The following ZFYVE26 variants were observed in gnomAD, a reference collection of about 807,000 sequenced individuals.
ZFYVE26 encodes the protein zinc finger FYVE domain-containing protein 26.
In ZFYVE26, 181 loss-of-function variants were observed where a neutral mutation model predicts 276.5. That is an observed-to-expected ratio of 0.65 (90% CI 0.58 to 0.74). The LOEUF (loss-of-function observed/expected upper bound fraction) is 0.74. ZFYVE26 is among the 30% of genes least tolerant of loss of function. ZFYVE26 has a pLI of 0.00. For missense variants in ZFYVE26, 2,821 were observed against 3,097.9 expected (o/e 0.91, Z 2.12); for synonymous variants, 1,129 against 1,203.1 (o/e 0.94, Z 1.27).
At chr14:67,781,561 A>G in intron 21 of ZFYVE26, 32 bp from the exon 22 acceptor site, 1 of 1,608,382 alleles carries the variant, frequency 6.2e-7, no homozygotes, top group Non-Finnish European at 8.5e-7. Context: ...CAGAGGCAGC[A>G]AGCGTGGGAC....
chr14:67,815,706 G>T, intron 2 of ZFYVE26, 64 bp downstream of exon 2: 1 of 1,534,232 alleles, frequency 6.5e-7, no homozygotes, highest in Non-Finnish European at 9.0e-7. Context: ...ATTGACCAAT[G>T]CCCAAATATT....
intron 41 of ZFYVE26, chr14:67,750,681 G>A (rs929856399): frequency 3.0e-6 from 1 of 333,534 alleles, no homozygotes; most frequent in East Asian, 7.0e-5. Flanking sequence ...CTAGGATAAA[G>A]AGATACCTGC....
At chr14:67,734,133 G>C (rs991330433) in intron 13 of ZFYVE26, 7 of 339,342 alleles carry the variant, frequency 2.1e-5, no homozygotes, top group African/African-American at 1.3e-4. Context: ...GCTGGGCATG[G>C]GGGTGGCAGA....
At position 67,752,521 on chromosome 14, in the gene ZFYVE26, G is replaced by C. The variant is rs1267754295; in HGVS notation, c.7194C>G (p.Phe2398Leu). 6 of 1,614,010 alleles carry C rather than the reference G, an allele frequency of 3.7e-6. No homozygotes were observed. The Admixed American group carries it at 1.0e-4, about 27-fold the overall frequency. Reference sequence around the variant, plus strand: ...AGTAGGTCATGGCAGCATCCAGCTGGAAGTCCTAGAACAGAACACAACATG... The same window carrying C: ...AGTAGGTCATGGCAGCATCCAGCTGCAAGTCCTAGAACAGAACACAACATG... ...FGIAFRVLQDFQLDAAMTYCR... is the reference protein window; with the variant it reads ...FGIAFRVLQDLQLDAAMTYCR... The change falls in exon 40 of 42, where the codon TTC becomes TTG. Residue 2398 changes from phenylalanine to leucine, a missense_variant. Phe to Leu is a conservative substitution (Grantham distance 22). Coordinates refer to ENST00000347230, the MANE Select transcript of ZFYVE26 (RefSeq NM_015346.4).
intron 22 of ZFYVE26, 79 bp downstream of exon 22, chr14:67,781,254 C>T: frequency 6.6e-7 from 1 of 1,512,300 alleles, no homozygotes; most frequent in Non-Finnish European, 9.1e-7. Context: ...TTCTTAAAGT[C>T]CCCCATCATA....
chr14:67,780,159 C>T lies in ZFYVE26; in HGVS notation c.4674+82G>A, dbSNP rs2295107. On this transcript the variant is annotated intron_variant, in intron 23 of 41. Transcript: ENST00000347230. Reference sequence around the variant, plus strand: ...TTTTTAAAAAGTGAACATTGATATGCAGAAAGGGGCTTATACAGCCAGCTA... The same window carrying T: ...TTTTTAAAAAGTGAACATTGATATGTAGAAAGGGGCTTATACAGCCAGCTA... The T allele has an allele frequency of 0.67, 852,977 of 1,264,318 alleles. 291,208 individuals carry two copies. The highest frequency in any genetic ancestry group is 0.98 in the East Asian group (39,424 of 40,408). 78.3% of individuals were successfully genotyped at this position (1,264,318 alleles called of 1,614,324 possible).
chr14:67,777,839 T>A, intron 24 of ZFYVE26, 104 bp from the exon 25 acceptor site: 1 of 1,441,868 alleles, frequency 6.9e-7, no homozygotes, highest in Non-Finnish European at 9.7e-7. Flanking sequence ...CATTTTGGAC[T>A]AACCCTTTCT....
intron 25 of ZFYVE26, 26 bp downstream of exon 25, chr14:67,777,533 G>A (rs754543669): frequency 3.5e-5 from 57 of 1,612,600 alleles, no homozygotes; most frequent in East Asian, 4.5e-5. Context: ...CACATACAGC[G>A]CCTGGATTTC....
intron 25 of ZFYVE26, among the ~76,000 whole-genome samples, chr14:67,776,784 T>C (rs865789814): frequency 1.1e-4 from 16 of 152,226 alleles, no homozygotes; most frequent in Non-Finnish European, 2.1e-4. Context: ...CTACAGCACA[T>C]TGGGTGTATC....
chr14:67,802,581 TTTG>T (rs2040100354), intron 9 of ZFYVE26, among the ~76,000 whole-genome samples: 1 of 152,152 alleles, frequency 6.6e-6, no homozygotes, highest in Non-Finnish European at 1.5e-5. Flanking sequence ...CTCCTTAAAT[TTTG>T]CACCTTAAAT....
chr14:67,795,774 AT>A (rs2039939633), intron 12 of ZFYVE26, among the ~76,000 whole-genome samples: 1 of 152,262 alleles, frequency 6.6e-6, no homozygotes, highest in South Asian at 2.1e-4. Flanking sequence ...AGAGAAAAAA[AT>A]AATAGCACAT....
chr14:67,802,336 A>C, intron 9 of ZFYVE26, 54 bp from the exon 10 acceptor site: 1 of 1,575,980 alleles, frequency 6.3e-7, no homozygotes, highest in Non-Finnish European at 8.7e-7. Flanking sequence ...TTCAGGATGC[A>C]AGTATGGGTG....
At chr14:67,751,233 T>TA in intron 40 of ZFYVE26, 137 bp from the exon 41 acceptor site, 1 of 903,860 alleles carries the variant, frequency 1.1e-6, no homozygotes, top group Non-Finnish European at 1.8e-6. Flanking sequence ...CTCAAAGACA[T>TA]GGGGTCTCAC....
intron 25 of ZFYVE26, 79 bp downstream of exon 25, chr14:67,777,480 G>T: frequency 1.9e-6 from 3 of 1,607,814 alleles, no homozygotes; most frequent in Non-Finnish European, 2.6e-6. Flanking sequence ...TCTCCCTCAG[G>T]TATGCCTTCC....
intron 13 of ZFYVE26, chr14:67,734,088 A>G: frequency 2.5e-6 from 1 of 394,652 alleles, no homozygotes; most frequent in Non-Finnish European, 4.9e-6. Flanking sequence ...AAAGTCAGCA[A>G]CCCTCTGGGG....
chr14:67,801,385 A>T (rs1054252817), intron 10 of ZFYVE26, among the ~76,000 whole-genome samples: 2 of 152,314 alleles, frequency 1.3e-5, no homozygotes, highest in African/African-American at 4.8e-5. Context: ...TAACATGCAG[A>T]CCCTTTACTC....
Position 67,756,598 on chromosome 14 carries a change from C to A in ZFYVE26, c.6589-453G>T, listed in dbSNP as rs1192817783. Among the ~76,000 whole-genome samples, 3 of 152,158 alleles carry A rather than the reference C, an allele frequency of 2.0e-5. No individual in the cohort carries two copies. The South Asian group carries it at 6.2e-4, about 32-fold the overall frequency. On this transcript the variant is annotated intron_variant, in intron 35 of 41. Transcript: ENST00000347230. The stretch of plus-strand genomic sequence containing the variant: ...TTAAAAATAATTGAGAAAAAACTCT[C>A]CTCAGTTGGCCTCCAGCACACTATC...
chr14:67,766,140 G>A (rs2039050370), intron 32 of ZFYVE26, 87 bp downstream of exon 32: 3 of 1,250,064 alleles, frequency 2.4e-6, no homozygotes, highest in South Asian at 2.4e-5. Context: ...AGAGGATGGT[G>A]AGATAAAAAA....
chr14:67,779,958 G>A (rs1461160051), intron 23 of ZFYVE26, among the ~76,000 whole-genome samples: 10 of 151,862 alleles, frequency 6.6e-5, no homozygotes, highest in Admixed American at 4.6e-4. Context: ...TGCAAGCTCC[G>A]CCTCCTGGGT....
Sources: allele counts gnomAD v4.1 joint callset (sites outside exome capture counted in the v4.1 genomes callset), GRCh38; gene constraint gnomAD v4.1.1; transcripts MANE v1.5; gene names NCBI Gene and HGNC (gene_info 2026-07-23, HGNC 2026-07-21).